KIAA0825: variants seen among roughly 807,000 people sequenced by gnomAD.
KIAA0825 encodes the protein KIAA0825.
KIAA0825 carries 119 observed loss-of-function variants against 147.6 expected under a neutral mutation model. That is an observed-to-expected ratio of 0.81 (90% CI 0.69 to 0.94). KIAA0825 has a LOEUF of 0.94. Among genes scored for constraint, KIAA0825 ranks in the 40% least tolerant of loss-of-function variants. The pLI is 0.00. For missense variants in KIAA0825, 1,381 were observed against 1,472.7 expected, an observed-to-expected ratio of 0.94 and a Z score of 1.02; for synonymous variants, 470 against 518.1, an observed-to-expected ratio of 0.91 and a Z score of 1.26.
At chr5:94,485,040 A>G in intron 5 of KIAA0825, 110 bp from the exon 6 acceptor site, 2 of 670,142 alleles carry the variant, frequency 3.0e-6, no homozygotes, top group Non-Finnish European at 4.3e-6. Flanking sequence ...AAGTTCCTCC[A>G]TAATTAAACC....
At chr5:94,227,339 T>C (rs1428657038) in intron 20 of KIAA0825, among the ~76,000 whole-genome samples, 1 of 151,806 alleles carries the variant, frequency 6.6e-6, no homozygotes, top group Non-Finnish European at 1.5e-5. Context: ...TAGGTGGGAA[T>C]TGAACAATGA....
At position 94,436,708 on chromosome 5, in the gene KIAA0825, C is replaced by T. The variant is rs749369516; in HGVS notation, c.2497+3274G>A. ...TAGCATTGTATCTATAAATTTATTT[C>T]GGCAGTGTGTCCATTTTCACAATAT... is the stretch of plus-strand genomic sequence containing the variant. On this transcript the variant is annotated intron_variant, in intron 14 of 20. Coordinates refer to ENST00000682413, the MANE Select transcript of KIAA0825 (RefSeq NM_001145678.3). Among the ~76,000 whole-genome samples the T allele has an allele frequency of 1.6e-4, 24 of 152,014 alleles. 1 individual carries two copies. In the South Asian group the frequency reaches 3.1e-3, roughly 20 times the overall value.
At chr5:94,496,589 C>T (rs1370016963) in intron 5 of KIAA0825, among the ~76,000 whole-genome samples, 4 of 152,106 alleles carry the variant, frequency 2.6e-5, no homozygotes, top group Admixed American at 1.3e-4. Flanking sequence ...CCATATCCTT[C>T]GAATGCACCC....
chr5:94,232,157 C>T (rs1774748551), intron 20 of KIAA0825, among the ~76,000 whole-genome samples: 1 of 152,054 alleles, frequency 6.6e-6, no homozygotes, highest in Non-Finnish European at 1.5e-5. Flanking sequence ...TAAGAAGGTA[C>T]ATTAGGTATC....
chr5:94,572,091 T>A (rs1264485929), intron 2 of KIAA0825, among the ~76,000 whole-genome samples: 2 of 140,732 alleles, frequency 1.4e-5, no homozygotes, highest in African/African-American at 5.2e-5. Flanking sequence ...ATAGTGAGAC[T>A]CTATCTCTTA....
At chr5:94,274,152 G>A (rs1562344698) in intron 20 of KIAA0825, among the ~76,000 whole-genome samples, 1 of 152,122 alleles carries the variant, frequency 6.6e-6, no homozygotes, top group South Asian at 2.1e-4. Context: ...AAAGAAGAAT[G>A]TCTAGGTGGT....
intron 20 of KIAA0825, among the ~76,000 whole-genome samples, chr5:94,190,832 G>C (rs946004761): frequency 2.6e-5 from 4 of 151,658 alleles, no homozygotes; most frequent in Admixed American, 2.0e-4. Flanking sequence ...AATGATAATA[G>C]TATCATTAAA....
intron 17 of KIAA0825, among the ~76,000 whole-genome samples, chr5:94,393,737 C>T (rs1449095928): frequency 1.3e-5 from 2 of 152,114 alleles, no homozygotes; most frequent in Admixed American, 6.5e-5. Flanking sequence ...CATTTTTCCT[C>T]ACAGTGTATA....
Position 94,153,942 on chromosome 5 carries a change from T to TA in KIAA0825, c.*64dup, listed in dbSNP as rs1766793992. On this transcript the variant is annotated 3_prime_UTR_variant, in exon 21 of 21. Transcript: ENST00000682413. ...CATATGAGGTTCATTCTGACTATGG[T>TA]AAAAAATCCTACTCCATTACATGGG... 8 of 1,118,672 alleles carry TA rather than the reference T, an allele frequency of 7.2e-6. No homozygotes were observed. The highest frequency in any genetic ancestry group is 7.9e-6 in the Non-Finnish European group (6 of 755,626). The allele number at this position is 1,118,672 out of a possible 1,614,324, so 69.3% of individuals were successfully genotyped here. A position where few individuals can be genotyped will look rare whatever the true frequency, so the allele number is the denominator to read the frequency against.
Position 94,396,129 on chromosome 5 carries a change from A to G in KIAA0825, c.3268T>C (p.Leu1090=), listed in dbSNP as rs1750625413. The G allele has an allele frequency of 4.0e-6, 6 of 1,500,560 alleles. No homozygotes were observed. The highest frequency in any genetic ancestry group is 5.3e-6 in the Non-Finnish European group (6 of 1,125,542). The allele number at this position is 1,500,560 out of a possible 1,614,324, so 93.0% of individuals were successfully genotyped here. A position where few individuals can be genotyped will look rare whatever the true frequency, so the allele number is the denominator to read the frequency against. ...TCAGTGCTCAGTTTCCTTGCTTTCAACAATTGACGTTCAATCCAGTTGGGC... is the reference window on the plus strand; with the variant it reads ...TCAGTGCTCAGTTTCCTTGCTTTCAGCAATTGACGTTCAATCCAGTTGGGC... ...QKPNWIERQL[L]KARKLSTECA... The change falls in exon 17 of 21, where the codon TTG becomes CTG. Residue 1090 remains leucine, a synonymous_variant. Transcript: ENST00000682413.
chr5:94,471,269 T>A (rs1274455943), intron 9 of KIAA0825, among the ~76,000 whole-genome samples, 197 bp downstream of exon 9: 1 of 152,062 alleles, frequency 6.6e-6, no homozygotes, highest in Non-Finnish European at 1.5e-5. Flanking sequence ...ACTATCTTAC[T>A]ATCTATGTAT....
chr5:94,572,184 A>G (rs11949638), intron 2 of KIAA0825, among the ~76,000 whole-genome samples: 76,961 of 151,630 alleles, frequency 0.51, 20,024 homozygotes, highest in Non-Finnish European at 0.55. Flanking sequence ...TGGGAAATGT[A>G]CAATCAACTG....
intron 3 of KIAA0825, 62 bp downstream of exon 3, chr5:94,536,934 A>G: frequency 8.7e-7 from 1 of 1,154,328 alleles, no homozygotes; most frequent in Non-Finnish European, 1.3e-6. Flanking sequence ...CAAATAGACC[A>G]GGTAAATTTC....
At chr5:94,195,656 T>C (rs1490843409) in intron 20 of KIAA0825, among the ~76,000 whole-genome samples, 2 of 151,982 alleles carry the variant, frequency 1.3e-5, no homozygotes, top group Non-Finnish European at 2.9e-5. Context: ...AAGAGCTCTT[T>C]TTTTTTTTAA....
At chr5:94,430,183 G>A (rs1010518255) in intron 14 of KIAA0825, among the ~76,000 whole-genome samples, 29 of 152,310 alleles carry the variant, frequency 1.9e-4, no homozygotes, top group Admixed American at 5.9e-4. Context: ...TACAGAAAGA[G>A]TAGACAGTTC....
intron 20 of KIAA0825, among the ~76,000 whole-genome samples, chr5:94,205,268 C>CAT (rs5869623): frequency 0.28 from 25,525 of 89,986 alleles, 3,383 homozygotes; most frequent in Non-Finnish European, 0.32. Context: ...ACTATTTAAT[C>CAT]ATATATATAT....
chr5:94,214,349 T>A (rs1773017725), intron 20 of KIAA0825, among the ~76,000 whole-genome samples: 1 of 151,782 alleles, frequency 6.6e-6, no homozygotes, highest in South Asian at 2.1e-4. Flanking sequence ...AATAAAACCC[T>A]CAAAAAATAA....
intron 15 of KIAA0825, chr5:94,416,166 G>C (rs1035205357): frequency 2.0e-5 from 3 of 152,148 alleles, no homozygotes; most frequent in African/African-American, 7.2e-5. Context: ...TTTAAAAAGA[G>C]ATCATTATTA....
At chr5:94,493,735 G>C (rs557355841) in intron 5 of KIAA0825, among the ~76,000 whole-genome samples, 1 of 152,026 alleles carries the variant, frequency 6.6e-6, no homozygotes, top group Non-Finnish European at 1.5e-5. Flanking sequence ...GGATCTGCCC[G>C]CCTCGGCCTC....
Sources: allele counts gnomAD v4.1 joint callset (sites outside exome capture counted in the v4.1 genomes callset), GRCh38; gene constraint gnomAD v4.1.1; transcripts MANE v1.5; gene names NCBI Gene and HGNC (gene_info 2026-07-23, HGNC 2026-07-21).